Variants in ATP10B observed in about 807,000 individuals in gnomAD.
ATP10B encodes the protein ATPase phospholipid transporting 10B (putative), also known as phospholipid-transporting ATPase VB.
Under a neutral mutation model 141.2 loss-of-function variants are expected in ATP10B, and 122 were observed. That is an observed-to-expected ratio of 0.86 (90% CI 0.75 to 1.00). The LOEUF (loss-of-function observed/expected upper bound fraction) is 1.00, where lower values mean the gene tolerates loss of function less well. ATP10B is among the 50% of genes least tolerant of loss of function. ATP10B has a pLI of 0.00. For missense variants in ATP10B, 1,876 were observed against 1,825.3 expected (o/e 1.03, Z -0.51); for synonymous variants, 685 against 692.0 (o/e 0.99, Z 0.16).
intron 3 of ATP10B, among the ~76,000 whole-genome samples, chr5:160,699,702 A>G (rs1232920096): frequency 1.3e-5 from 2 of 152,144 alleles, no homozygotes; most frequent in African/African-American, 4.8e-5. Context: ...TATACTTTTA[A>G]TCAGCATTTG....
chr5:160,621,542 T>A (rs1428274010), intron 14 of ATP10B, among the ~76,000 whole-genome samples: 1 of 152,234 alleles, frequency 6.6e-6, no homozygotes, highest in East Asian at 1.9e-4. Context: ...AAGATAAAGC[T>A]TTCTGCCTCC....
chr5:160,706,360 G>A (rs540575023), intron 3 of ATP10B, among the ~76,000 whole-genome samples: 1 of 152,184 alleles, frequency 6.6e-6, no homozygotes, highest in African/African-American at 2.4e-5. Flanking sequence ...ATGAAGTGAA[G>A]AGCAATGAAA....
chr5:160,928,151 TCTC>T, the ATP10B span, among the ~76,000 whole-genome samples: 3 of 152,082 alleles, frequency 2.0e-5, no homozygotes, highest in Non-Finnish European at 4.4e-5. Flanking sequence ...GGTGTCCAGC[TCTC>T]CTTTCTCAAA....
the ATP10B span, among the ~76,000 whole-genome samples, chr5:160,861,282 C>G: frequency 6.6e-6 from 1 of 151,810 alleles, no homozygotes; most frequent in Admixed American, 6.6e-5. Context: ...AGAGAACTAC[C>G]TACCATAATT....
intron 2 of ATP10B, among the ~76,000 whole-genome samples, chr5:160,763,094 T>C (rs1463009134): frequency 1.3e-5 from 2 of 151,984 alleles, no homozygotes; most frequent in Non-Finnish European, 2.9e-5. Flanking sequence ...AGAAATGAGA[T>C]AGACGGCAAC....
intron 6 of ATP10B, among the ~76,000 whole-genome samples, chr5:160,679,569 C>G (rs968796643): frequency 6.6e-6 from 1 of 152,246 alleles, no homozygotes; most frequent in Non-Finnish European, 1.5e-5. Context: ...ACCACATCCT[C>G]TGCACTTCTG....
At chr5:160,918,570 A>G in the ATP10B span, among the ~76,000 whole-genome samples, 2 of 152,204 alleles carry the variant, frequency 1.3e-5, no homozygotes, top group Non-Finnish European at 2.9e-5. Flanking sequence ...CTGCACACAC[A>G]CATAAATCCT....
intron 2 of ATP10B, among the ~76,000 whole-genome samples, chr5:160,747,155 T>C (rs182646587): frequency 6.6e-6 from 1 of 152,356 alleles, no homozygotes; most frequent in East Asian, 1.9e-4. Context: ...CCAGGGCATG[T>C]ACTCCAGTTC....
At chr5:160,669,856 G>C (rs969249062) in intron 7 of ATP10B, among the ~76,000 whole-genome samples, 1 of 145,586 alleles carries the variant, frequency 6.9e-6, no homozygotes, top group Non-Finnish European at 1.5e-5. Context: ...CCTGCCTCTC[G>C]GCCTGCCAAA....
intron 1 of ATP10B, among the ~76,000 whole-genome samples, chr5:160,836,561 C>T (rs1264416297): frequency 6.6e-6 from 1 of 152,036 alleles, no homozygotes; most frequent in Admixed American, 6.6e-5. Flanking sequence ...TTATTCTTCA[C>T]ACCCTACATT....
At chr5:160,789,780 T>C (rs986787008) in intron 1 of ATP10B, among the ~76,000 whole-genome samples, 1 of 152,166 alleles carries the variant, frequency 6.6e-6, no homozygotes, top group East Asian at 1.9e-4. Context: ...GGTTCATGTC[T>C]CATTCTAAAG....
At chr5:160,709,752 CT>C (rs1429470092) in intron 3 of ATP10B, among the ~76,000 whole-genome samples, 1 of 23,884 alleles carries the variant, frequency 4.2e-5, no homozygotes, top group African/African-American at 1.8e-4. Context: ...AATGCTATCC[CT>C]CCCCCCCTCC....
chr5:160,911,750 T>C, the ATP10B span, among the ~76,000 whole-genome samples: 1 of 152,212 alleles, frequency 6.6e-6, no homozygotes, highest in African/African-American at 2.4e-5. Flanking sequence ...CAGAGGATTA[T>C]ACACTTACAG....
At chr5:160,838,498 A>G (rs1180659851) in intron 1 of ATP10B, among the ~76,000 whole-genome samples, 1 of 152,222 alleles carries the variant, frequency 6.6e-6, no homozygotes, top group African/African-American at 2.4e-5. Flanking sequence ...TTTAAGTTTT[A>G]GAATTTTAGC....
chr5:160,601,395 CAA>C (rs1757090823), intron 21 of ATP10B, among the ~76,000 whole-genome samples: 1 of 152,160 alleles, frequency 6.6e-6, no homozygotes, highest in South Asian at 2.1e-4. Flanking sequence ...AAAGAGGAGT[CAA>C]ATTGTTTGGA....
At chr5:160,636,090 A>G (rs572160994) in intron 11 of ATP10B, 92 bp downstream of exon 11, 5 of 1,375,514 alleles carry the variant, frequency 3.6e-6, no homozygotes, top group Admixed American at 2.4e-5. Flanking sequence ...TGTACTTTCT[A>G]GTGGCCAGCA....
intron 2 of ATP10B, among the ~76,000 whole-genome samples, chr5:160,741,734 T>A (rs1199090887): frequency 1.3e-5 from 2 of 152,338 alleles, no homozygotes; most frequent in East Asian, 3.9e-4. Flanking sequence ...TAGAAAATTC[T>A]GCTGCAGAAT....
chr5:160,828,992 A>G (rs1444970138), intron 1 of ATP10B, among the ~76,000 whole-genome samples: 15 of 137,222 alleles, frequency 1.1e-4, no homozygotes, highest in Admixed American at 7.2e-4. Flanking sequence ...TCACTCATAG[A>G]TGGGAATTGA....
At chr5:160,813,107 A>G (rs532820357) in intron 1 of ATP10B, among the ~76,000 whole-genome samples, 3 of 152,360 alleles carry the variant, frequency 2.0e-5, no homozygotes, top group Non-Finnish European at 4.4e-5. Context: ...TACCAGGTTC[A>G]TCTCACTGGG....
Sources: allele counts gnomAD v4.1 joint callset (sites outside exome capture counted in the v4.1 genomes callset), GRCh38; gene constraint gnomAD v4.1.1; transcripts MANE v1.5; gene names NCBI Gene and HGNC (gene_info 2026-07-23, HGNC 2026-07-21).